Variants in DPP10 observed in about 807,000 individuals in gnomAD.
The protein encoded by DPP10 is dipeptidyl peptidase like 10, also known as inactive dipeptidyl peptidase 10.
DPP10 carries 33 observed loss-of-function variants against 120.9 expected under a neutral mutation model. That is an observed-to-expected ratio of 0.27 (90% CI 0.21 to 0.37). The LOEUF (loss-of-function observed/expected upper bound fraction) is 0.37, where lower values mean the gene tolerates loss of function less well. DPP10 is among the 10% of genes least tolerant of loss of function. DPP10 has a pLI of 1.00. For synonymous variants in DPP10, 337 were observed against 326.1 expected, an observed-to-expected ratio of 1.03 and a Z score of -0.36; for missense variants, 816 against 942.8, an observed-to-expected ratio of 0.87 and a Z score of 1.76.
At chr2:115,302,106 G>A (rs141461064) in intron 1 of DPP10, among the ~76,000 whole-genome samples, 286 of 152,072 alleles carry the variant, frequency 1.9e-3, no homozygotes, top group African/African-American at 6.3e-3. Flanking sequence ...TTACCATGGC[G>A]GAGCAGGAGA....
At chr2:115,701,019 A>G (rs1288706465) in intron 7 of DPP10, among the ~76,000 whole-genome samples, 1 of 152,152 alleles carries the variant, frequency 6.6e-6, no homozygotes, top group African/African-American at 2.4e-5. Context: ...TATGCCCAAC[A>G]CAATCTACAG....
At chr2:115,517,786 A>T (rs1032312379) in intron 4 of DPP10, among the ~76,000 whole-genome samples, 2 of 152,210 alleles carry the variant, frequency 1.3e-5, no homozygotes, top group African/African-American at 4.8e-5. Flanking sequence ...TGTCTTATCT[A>T]TTAATTCATA....
intron 1 of DPP10, among the ~76,000 whole-genome samples, chr2:114,621,219 C>T (rs954476589): frequency 7.2e-5 from 11 of 152,022 alleles, no homozygotes; most frequent in Non-Finnish European, 7.4e-5. Flanking sequence ...TTTACTTTTC[C>T]AGAGGAGAGG....
At chr2:115,252,444 A>G (rs985681668) in intron 1 of DPP10, among the ~76,000 whole-genome samples, 1 of 152,230 alleles carries the variant, frequency 6.6e-6, no homozygotes. Flanking sequence ...GTATTAGATT[A>G]TATCTGAAAT....
intron 1 of DPP10, among the ~76,000 whole-genome samples, chr2:114,494,831 G>C (rs982201754): frequency 6.6e-6 from 1 of 152,108 alleles, no homozygotes; most frequent in African/African-American, 2.4e-5. Context: ...TACTCCAAAA[G>C]GTTTGGTATT....
At chr2:115,680,334 A>G (rs942827772) in intron 5 of DPP10, among the ~76,000 whole-genome samples, 66 of 152,178 alleles carry the variant, frequency 4.3e-4, no homozygotes, top group African/African-American at 1.5e-3. Flanking sequence ...AAAATGTATT[A>G]GTATTCTTTA....
intron 5 of DPP10, among the ~76,000 whole-genome samples, chr2:115,563,147 G>A (rs974921320): frequency 1.3e-5 from 2 of 152,150 alleles, no homozygotes; most frequent in Non-Finnish European, 2.9e-5. Flanking sequence ...AGTTACCATA[G>A]CCAAGTGCAC....
intron 1 of DPP10, among the ~76,000 whole-genome samples, chr2:115,017,113 T>A (rs926854002): frequency 6.6e-6 from 1 of 150,544 alleles, no homozygotes; most frequent in Non-Finnish European, 1.5e-5. Context: ...TGCTAAATGA[T>A]GAGTTAATGG....
At chr2:115,536,210 A>G (rs1199730511) in intron 5 of DPP10, among the ~76,000 whole-genome samples, 1 of 151,982 alleles carries the variant, frequency 6.6e-6, no homozygotes, top group Non-Finnish European at 1.5e-5. Flanking sequence ...TCTAATTCTT[A>G]TTTATTGTTA....
chr2:114,777,395 G>GC (rs1220699252), intron 1 of DPP10, among the ~76,000 whole-genome samples: 7 of 151,976 alleles, frequency 4.6e-5, no homozygotes, highest in Non-Finnish European at 7.4e-5. Flanking sequence ...TCTGAAGAGG[G>GC]TTTTCAGGGC....
rs150344379 is a variant in DPP10 at position 115,226,668 on chromosome 2, C to T, written c.61-82571C>T. Among the ~76,000 whole-genome samples the T allele has an allele frequency of 2.3e-4, 35 of 152,288 alleles. No individual in the cohort carries two copies. The East Asian group carries it at 6.4e-3, about 28-fold the overall frequency. ...CTTTATTGAGCACTTCTATGTATAA[C>T]AGTGTTTAGTAAAATGTTTATTTTG... On this transcript the variant is annotated intron_variant, in intron 1 of 25. Coordinates refer to ENST00000410059, the MANE Select transcript of DPP10 (RefSeq NM_020868.6).
intron 5 of DPP10, among the ~76,000 whole-genome samples, chr2:115,612,582 C>T (rs1209031709): frequency 6.6e-6 from 1 of 152,084 alleles, no homozygotes; most frequent in African/African-American, 2.4e-5. Context: ...ACGTGTTCTG[C>T]CAAAATGTAA....
intron 1 of DPP10, among the ~76,000 whole-genome samples, chr2:115,118,747 TTGTGTGTGTG>T (rs59183186): frequency 0.029 from 4,063 of 140,478 alleles, 116 homozygotes; most frequent in Admixed American, 0.073. Flanking sequence ...ACACAGCTAA[TTGTGTGTGTG>T]TGTGTGTGTG....
At position 115,780,751 on chromosome 2, in the gene DPP10, G is replaced by A. The variant is rs1011100368; in HGVS notation, c.1362-123G>A. 2.0e-5 allele frequency: 16 copies of A among 816,772 alleles called. No homozygotes were observed. The African/African-American group carries it at 2.8e-4, about 14-fold the overall frequency. 50.6% of individuals were successfully genotyped at this position (816,772 alleles called of 1,614,324 possible). A position where few individuals can be genotyped will look rare whatever the true frequency, so the allele number is the denominator to read the frequency against. On this transcript the variant is annotated intron_variant, in intron 15 of 25. Coordinates refer to ENST00000410059, the MANE Select transcript of DPP10 (RefSeq NM_020868.6). ...TGTATATGGTGATTCATAGTTTACA[G>A]TGAACCTCTATGCAAGCACCGATGT... is the stretch of plus-strand genomic sequence containing the variant.
Position 115,257,168 on chromosome 2 carries a change from T to A in DPP10, c.61-52071T>A, listed in dbSNP as rs148508831. 7.9e-5 allele frequency among the ~76,000 whole-genome samples: 12 copies of A among 152,330 alleles called. No homozygotes were observed. The East Asian group carries it at 2.3e-3, about 29-fold the overall frequency. On this transcript the variant is annotated intron_variant, in intron 1 of 25. Transcript: ENST00000410059. ...AACGTTTCCTTATCTTCCTGTTTTC[T>A]TCTGAGCCCTTCAAACTCTTCCAAC...
At chr2:114,777,686 T>G (rs909353195) in intron 1 of DPP10, among the ~76,000 whole-genome samples, 3 of 152,098 alleles carry the variant, frequency 2.0e-5, no homozygotes, top group African/African-American at 7.2e-5. Context: ...AAAGCTTCTA[T>G]CAGTAATAGA....
chr2:115,157,848 C>T (rs1407906960), intron 1 of DPP10, among the ~76,000 whole-genome samples: 1 of 152,198 alleles, frequency 6.6e-6, no homozygotes, highest in Non-Finnish European at 1.5e-5. Flanking sequence ...AGACACTCAA[C>T]AGAGGACTGG....
chr2:115,466,088 C>G (rs2074307932), intron 3 of DPP10, among the ~76,000 whole-genome samples: 1 of 151,350 alleles, frequency 6.6e-6, no homozygotes, highest in Admixed American at 6.6e-5. Context: ...TTTTTATCAA[C>G]ATCACCAAGA....
At chr2:115,689,792 G>T (rs368782288) in intron 6 of DPP10, 48 bp from the exon 7 acceptor site, 1 of 1,608,842 alleles carries the variant, frequency 6.2e-7, no homozygotes, top group Non-Finnish European at 8.5e-7. Context: ...CTAAATTGTT[G>T]GTGTAGATAT....
Sources: gnomAD v4.1 joint callset for allele counts (sites outside exome capture counted in the v4.1 genomes callset) on GRCh38, gnomAD v4.1.1 for gene constraint, MANE v1.5 for transcripts, NCBI Gene and HGNC (gene_info 2026-07-23, HGNC 2026-07-21) for gene names.